GRHL1: variants seen among roughly 807,000 people sequenced by gnomAD.
The protein encoded by GRHL1 is grainyhead like transcription factor 1.
A neutral mutation model predicts 75.7 loss-of-function variants in GRHL1; 38 were observed. The observed-to-expected ratio is 0.50, with a 90% confidence interval of 0.39 to 0.66. GRHL1 has a LOEUF of 0.66. Among genes scored for constraint, GRHL1 ranks in the 30% least tolerant of loss-of-function variants. GRHL1 has a pLI of 0.00. For synonymous variants in GRHL1, 266 were observed against 279.4 expected, an observed-to-expected ratio of 0.95 and a Z score of 0.48; for missense variants, 589 against 767.5, an observed-to-expected ratio of 0.77 and a Z score of 2.75.
At chr2:9,962,265 T>A (rs115114856) in intron 4 of GRHL1, among the ~76,000 whole-genome samples, 190 bp from the exon 5 acceptor site, 3,452 of 152,322 alleles carry the variant, frequency 0.023, 52 homozygotes, top group African/African-American at 0.031. Flanking sequence ...TTGAGTGGCA[T>A]ATAAAAGTGG....
At chr2:9,980,334 A>G (rs1158990915) in intron 8 of GRHL1, among the ~76,000 whole-genome samples, 1 of 152,090 alleles carries the variant, frequency 6.6e-6, no homozygotes, top group East Asian at 1.9e-4. Flanking sequence ...AGCATTTAGA[A>G]TAAAAGTCTG....
intron 14 of GRHL1, among the ~76,000 whole-genome samples, chr2:9,998,534 GTA>G (rs1347346223): frequency 1.2e-4 from 5 of 40,598 alleles, no homozygotes; most frequent in Non-Finnish European, 2.0e-4. Flanking sequence ...ATATATATAC[GTA>G]TATATACATA....
chr2:9,992,083 C>G lies in GRHL1; in HGVS notation c.1398C>G (p.Leu466=), dbSNP rs145209629. The change falls in exon 11 of 16, where the codon CTC becomes CTG. Residue 466 remains leucine (L), a synonymous_variant. Transcript: ENST00000324907. This position sits in a 1 kb window ranked among gnomAD's most constrained non-coding sequence, Gnocchi z 4.6. ...DITVFKPFID[L]DTQPVLFIPD... is the part of the protein sequence containing the mutation. The stretch of plus-strand genomic sequence containing the variant: ...CAGTTTTCAAACCCTTCATTGATCT[C>G]GATACTCAGCCTGTCCTCTTCATTC... The G allele has an allele frequency of 6.2e-7, 1 of 1,613,556 alleles. No individual in the cohort carries two copies. The highest frequency in any genetic ancestry group is 2.2e-5 in the East Asian group (1 of 44,876).
rs1437353609 is a variant in GRHL1 at position 9,952,602 on chromosome 2, A to C, written c.20+749A>C. On this transcript the variant is annotated intron_variant, in intron 1 of 15. Transcript: ENST00000324907. The stretch of plus-strand genomic sequence containing the variant: ...GTGATTTAAAAGCGTATTTCGACAA[A>C]TGTGAGGTGGTAGTGTAATAAGGCA... 6.6e-5 allele frequency among the ~76,000 whole-genome samples: 10 copies of C among 152,186 alleles called. No homozygotes were observed. In the East Asian group the frequency reaches 1.7e-3, roughly 26 times the overall value.
intron 1 of GRHL1, chr2:9,952,871 A>G: frequency 2.9e-6 from 1 of 350,696 alleles, no homozygotes; most frequent in Admixed American, 3.7e-5. Flanking sequence ...GATATTTTGT[A>G]TGGAGTATCT....
chr2:9,961,161 A>G lies in GRHL1; in HGVS notation c.394A>G (p.Ile132Val), dbSNP rs1667251647. 2 of 1,613,944 alleles carry G rather than the reference A, an allele frequency of 1.2e-6. No individual in the cohort carries two copies. The highest frequency in any genetic ancestry group is 2.2e-5 in the South Asian group (2 of 91,062). ...IVLPHGNQLG[I>V]DKRGHLTAPD... is the part of the protein sequence containing the mutation. Reference sequence around the variant, plus strand: ...CCTTCCCCATGGCAACCAGCTGGGCATTGATAAGAGAGGCCATCTGACAGC... The same window carrying G: ...CCTTCCCCATGGCAACCAGCTGGGCGTTGATAAGAGAGGCCATCTGACAGC... Residue 132 changes from isoleucine (I) to valine (V), a missense_variant, in exon 4 of 16, where the codon ATT becomes GTT. By Grantham distance (29) the Ile-to-Val change is conservative (BLOSUM62 3). Around this residue, in one of 5 missense-constraint regions of GRHL1, gnomAD observed 362 missense variants for 461.8 expected, o/e 0.78. Coordinates refer to ENST00000324907, the MANE Select transcript of GRHL1 (RefSeq NM_198182.3).
At chr2:9,995,117 G>A (rs1558316569) in intron 12 of GRHL1, among the ~76,000 whole-genome samples, 1 of 152,132 alleles carries the variant, frequency 6.6e-6, no homozygotes. Context: ...GGACATTCAC[G>A]GTAGAGTCGG....
At chr2:9,967,388 A>G (rs1255924356) in intron 8 of GRHL1, among the ~76,000 whole-genome samples, 1 of 152,222 alleles carries the variant, frequency 6.6e-6, no homozygotes, top group Non-Finnish European at 1.5e-5. Context: ...TTGGGGTGGG[A>G]GTAATGAAAG....
intron 2 of GRHL1, among the ~76,000 whole-genome samples, chr2:9,956,932 C>A (rs1210488617): frequency 1.3e-5 from 2 of 151,760 alleles, no homozygotes; most frequent in African/African-American, 4.8e-5. Flanking sequence ...TGAAGGGTGA[C>A]AATTTTAGTG....
intron 9 of GRHL1, among the ~76,000 whole-genome samples, chr2:9,988,156 G>A (rs1668501047): frequency 6.6e-6 from 1 of 152,100 alleles, no homozygotes; most frequent in Admixed American, 6.5e-5. Flanking sequence ...GAATCTCCTT[G>A]AATTTTGTCC....
intron 8 of GRHL1, among the ~76,000 whole-genome samples, chr2:9,981,260 T>C (rs1668186560): frequency 6.6e-6 from 1 of 152,336 alleles, no homozygotes; most frequent in South Asian, 2.1e-4. Context: ...GTCCCCTCCA[T>C]GAGTGTGGGC....
chr2:9,969,116 T>C (rs1667604874), intron 8 of GRHL1, among the ~76,000 whole-genome samples: 1 of 152,226 alleles, frequency 6.6e-6, no homozygotes, highest in Non-Finnish European at 1.5e-5. Context: ...TGTAATTTCT[T>C]GCCTGAGTTG....
intron 11 of GRHL1, 120 bp from the exon 12 acceptor site, chr2:9,993,087 G>T (rs1668714528): frequency 7.2e-6 from 6 of 834,314 alleles, no homozygotes; most frequent in East Asian, 2.4e-5. Context: ...GAAAACTAAG[G>T]CTAAAGGATT....
intron 1 of GRHL1, 87 bp from the exon 2 acceptor site, chr2:9,954,828 T>A: frequency 9.0e-7 from 1 of 1,110,734 alleles, no homozygotes; most frequent in Non-Finnish European, 1.4e-6. Flanking sequence ...AATAGGCTAT[T>A]TTATAGGAAT....
In GRHL1 at chr2:10,001,825, A is replaced by T. The variant is rs756375948; in HGVS notation, c.*1118A>T. Reference sequence around the variant, plus strand: ...TTGCGTACCAAGTGATACAACTCGAAATGCAGTTCTCATCTTCCTGTTTTG... The same window carrying T: ...TTGCGTACCAAGTGATACAACTCGATATGCAGTTCTCATCTTCCTGTTTTG... On this transcript the variant is annotated 3_prime_UTR_variant, in exon 16 of 16. Transcript: ENST00000324907. The T allele has an allele frequency of 1.3e-5, 2 of 152,396 alleles. No individual in the cohort carries two copies. Among genetic ancestry groups the T allele is most frequent in the Non-Finnish European group, 2.9e-5 (2 of 68,040 alleles). The allele number at this position is 152,396 out of a possible 1,614,324, so 9.4% of individuals were successfully genotyped here. A position where few individuals can be genotyped will look rare whatever the true frequency, so the allele number is the denominator to read the frequency against.
chr2:9,985,721 A>C (rs1267744378), intron 8 of GRHL1, among the ~76,000 whole-genome samples: 3 of 152,248 alleles, frequency 2.0e-5, no homozygotes, highest in African/African-American at 7.2e-5. Context: ...AGGTGGTGTC[A>C]ACGCAAATAT....
At chr2:9,998,743 CACACATATATACGT>C (rs1669084171) in intron 14 of GRHL1, among the ~76,000 whole-genome samples, 1 of 35,840 alleles carries the variant, frequency 2.8e-5, no homozygotes, top group African/African-American at 1.7e-4. Context: ...TATATATGTA[CACACATATATACGT>C]ATATATATGT....
rs1190725180 is a variant in GRHL1, at chr2:10,000,879, A to T, written c.*172A>T. 4.5e-5 allele frequency: 22 copies of T among 491,776 alleles called. No homozygotes were observed. In the East Asian group the frequency reaches 6.7e-4, roughly 15 times the overall value. 30.5% of individuals were successfully genotyped at this position (491,776 alleles called of 1,614,324 possible). Reference sequence around the variant, plus strand: ...TGCATCTGGCTTGGTGGTAGCATTTAATCTATTGCATTGGTGTTTTTCAGA... The same window carrying T: ...TGCATCTGGCTTGGTGGTAGCATTTTATCTATTGCATTGGTGTTTTTCAGA... On this transcript the variant is annotated 3_prime_UTR_variant, in exon 16 of 16. Transcript: ENST00000324907.
intron 8 of GRHL1, among the ~76,000 whole-genome samples, chr2:9,980,160 G>GTT (rs200425902): frequency 3.7e-5 from 5 of 136,634 alleles, no homozygotes; most frequent in African/African-American, 1.4e-4. Flanking sequence ...GGGTTTGGTG[G>GTT]TTTGTTTTTT....
Sources: gnomAD v4.1 joint callset for allele counts (sites outside exome capture counted in the v4.1 genomes callset) on GRCh38, gnomAD v4.1.1 for gene constraint, gnomAD v4.1.1 regional missense constraint, Gnocchi (gnomAD v3.1) non-coding constraint, MANE v1.5 for transcripts, NCBI Gene and HGNC (gene_info 2026-07-23, HGNC 2026-07-21) for gene names.